RYR1: variants seen among roughly 807,000 people sequenced by gnomAD.
RYR1 encodes the protein ryanodine receptor 1, also known as central core disease of muscle.
Under a neutral mutation model 583.5 loss-of-function variants are expected in RYR1, and 342 were observed. The observed-to-expected ratio is 0.59, with a 90% CI of 0.54 to 0.64. RYR1 has a LOEUF of 0.64. Among genes scored for constraint, RYR1 ranks in the 30% least tolerant of loss-of-function variants. RYR1 has a pLI of 0.00. For synonymous variants in RYR1, 2,791 were observed against 2,822.5 expected (o/e 0.99, Z 0.35); for missense variants, 6,032 against 6,917.2 (o/e 0.87, Z 4.54).
At chr19:38,465,405 C>T (rs1968040855) in intron 23 of RYR1, among the ~76,000 whole-genome samples, 1 of 151,930 alleles carries the variant, frequency 6.6e-6, no homozygotes, top group Admixed American at 6.6e-5. Context: ...GAGTTTGAGG[C>T]TGCAGTGAGC....
intron 21 of RYR1, 95 bp downstream of exon 21, chr19:38,463,622 G>T: frequency 6.9e-7 from 1 of 1,456,208 alleles, no homozygotes. Context: ...GGGACCACAG[G>T]GCACCAGGGG....
At chr19:38,586,390 TG>T in intron 104 of RYR1, 134 bp from the exon 105 acceptor site, 1 of 1,096,462 alleles carries the variant, frequency 9.1e-7, no homozygotes, top group Non-Finnish European at 1.4e-6. Context: ...GGAGGCCAAG[TG>T]GGGAGGATTA....
At chr19:38,458,773 C>T (rs948852066) in intron 18 of RYR1, among the ~76,000 whole-genome samples, 6 of 152,058 alleles carry the variant, frequency 3.9e-5, no homozygotes, top group Non-Finnish European at 5.9e-5. Flanking sequence ...TACAGGCATG[C>T]ACCACCACGC....
At chr19:38,457,950 T>C in intron 17 of RYR1, 101 bp from the exon 18 acceptor site, 1 of 1,232,720 alleles carries the variant, frequency 8.1e-7, no homozygotes, top group South Asian at 1.2e-5. Context: ...CCCATCTCTC[T>C]CTCTCTGTCT....
At chr19:38,497,673 C>T (rs1969909260) in intron 42 of RYR1, among the ~76,000 whole-genome samples, 1 of 152,132 alleles carries the variant, frequency 6.6e-6, no homozygotes, top group Non-Finnish European at 1.5e-5. Flanking sequence ...AGCAATATGA[C>T]AGTCAAAAAT....
At chr19:38,548,034 G>C (rs1051270692) in intron 88 of RYR1, among the ~76,000 whole-genome samples, 199 bp from the exon 89 acceptor site, 6 of 152,136 alleles carry the variant, frequency 3.9e-5, no homozygotes, top group Admixed American at 3.3e-4. Flanking sequence ...GCTTTACTGG[G>C]GGAGGTGGGC....
intron 96 of RYR1, 37 bp downstream of exon 96, chr19:38,573,344 A>G: frequency 6.2e-7 from 1 of 1,607,810 alleles, no homozygotes; most frequent in Non-Finnish European, 8.5e-7. Context: ...TGGCAGCAGG[A>G]GGGGACCTGG....
chr19:38,506,648 T>C (rs1970465755), intron 56 of RYR1, 102 bp downstream of exon 56: 1 of 1,503,810 alleles, frequency 6.6e-7, no homozygotes, highest in Non-Finnish European at 9.2e-7. Context: ...CATCTGTAGA[T>C]GGGAATAATA....
Position 38,469,285 on chromosome 19 carries a change from C to T in RYR1, c.3557-20C>T. Reference sequence around the variant, plus strand: ...CTGCCCACCTGCCCTCACCCCTGCCCATCCATCCCCTCCCACCAGGCTTCC... The same window carrying T: ...CTGCCCACCTGCCCTCACCCCTGCCTATCCATCCCCTCCCACCAGGCTTCC... On this transcript the variant is annotated intron_variant, in intron 26 of 105. Coordinates refer to ENST00000359596, the MANE Select transcript of RYR1 (RefSeq NM_000540.3). 2 of 1,613,338 alleles carry T rather than the reference C, an allele frequency of 1.2e-6. No individual in the cohort carries two copies. The highest frequency in any genetic ancestry group is 1.7e-6 in the Non-Finnish European group (2 of 1,179,814).
intron 1 of RYR1, among the ~76,000 whole-genome samples, chr19:38,434,703 G>T (rs993883347): frequency 6.6e-6 from 1 of 152,118 alleles, no homozygotes; most frequent in Non-Finnish European, 1.5e-5. Flanking sequence ...ATGAGAGGGA[G>T]GAGGGGCTGC....
At chr19:38,575,090 C>G (rs1349862796) in intron 96 of RYR1, among the ~76,000 whole-genome samples, 6 of 150,900 alleles carry the variant, frequency 4.0e-5, no homozygotes, top group Admixed American at 4.0e-4. Context: ...GTTAGGGCAT[C>G]AATTTGTCAC....
chr19:38,492,135 G>A (rs1969577058), intron 37 of RYR1, among the ~76,000 whole-genome samples: 1 of 152,142 alleles, frequency 6.6e-6, no homozygotes, highest in South Asian at 2.1e-4. Flanking sequence ...GCTGAGGTGG[G>A]TGGATTGCTT....
At chr19:38,502,839 G>A (rs747896613) in intron 48 of RYR1, 41 bp from the exon 49 acceptor site, 18 of 1,592,468 alleles carry the variant, frequency 1.1e-5, no homozygotes, top group Admixed American at 1.7e-5. Flanking sequence ...AGCAGAGCGG[G>A]CCTGGACGGG....
At chr19:38,505,147 T>G (rs1271405984) in intron 52 of RYR1, 66 bp downstream of exon 52, 1 of 1,456,866 alleles carries the variant, frequency 6.9e-7, no homozygotes, top group Non-Finnish European at 9.6e-7. Flanking sequence ...GACCTGGTTC[T>G]TCCCTGAGGC....
chr19:38,503,499 G>A (rs571166224), intron 49 of RYR1, among the ~76,000 whole-genome samples: 2 of 152,214 alleles, frequency 1.3e-5, no homozygotes, highest in African/African-American at 2.4e-5. Flanking sequence ...TTAGCCAGGC[G>A]CGGTGGCTCA....
intron 37 of RYR1, among the ~76,000 whole-genome samples, chr19:38,491,292 T>G (rs1302444796): frequency 6.6e-6 from 1 of 152,200 alleles, no homozygotes; most frequent in African/African-American, 2.4e-5. Context: ...TATACTTACT[T>G]TTTATCAAAG....
intron 58 of RYR1, among the ~76,000 whole-genome samples, chr19:38,509,475 C>T (rs1447652291): frequency 2.3e-5 from 3 of 129,408 alleles, no homozygotes; most frequent in Non-Finnish European, 4.8e-5. Context: ...TTTTTTGAGA[C>T]GGAGTCTTGC....
chr19:38,504,153 G>C, intron 49 of RYR1, 67 bp from the exon 50 acceptor site: 1 of 1,531,548 alleles, frequency 6.5e-7, no homozygotes, highest in South Asian at 1.2e-5. Context: ...GTCTCTCTGG[G>C]CCTTCGTCTG....
At chr19:38,461,740 A>AG (rs61670463) in intron 20 of RYR1, among the ~76,000 whole-genome samples, 1 of 136,156 alleles carries the variant, frequency 7.3e-6, no homozygotes, top group East Asian at 2.4e-4. Flanking sequence ...AAAAAAAAAA[A>AG]GAAAGGGAGA....
Sources: allele counts gnomAD v4.1 joint callset (sites outside exome capture counted in the v4.1 genomes callset), GRCh38; gene constraint gnomAD v4.1.1; transcripts MANE v1.5; gene names NCBI Gene and HGNC (gene_info 2026-07-23, HGNC 2026-07-21).